ZFHX3: variants seen among roughly 807,000 people sequenced by gnomAD.
ZFHX3 encodes zinc finger homeobox 3, also known as zinc finger homeobox protein 3.
A neutral mutation model predicts 279.1 loss-of-function variants in ZFHX3; 42 were observed. The ratio of observed to expected loss-of-function variants is 0.15; its 90% CI spans 0.12 to 0.19. ZFHX3 has a LOEUF of 0.19. Ranked by LOEUF, ZFHX3 falls within the 10% of genes least tolerant of loss-of-function variation. The pLI, the probability that ZFHX3 is intolerant of heterozygous loss-of-function variation, is 1.00. For synonymous variants in ZFHX3, 2,293 were observed against 1,957.8 expected (o/e 1.17, Z -4.52); for missense variants, 4,981 against 4,754.0 (o/e 1.05, Z -1.40).
intron 1 of ZFHX3, among the ~76,000 whole-genome samples, chr16:73,885,817 CCT>C (rs2030327845): frequency 6.6e-6 from 1 of 152,064 alleles, no homozygotes; most frequent in African/African-American, 2.4e-5. Flanking sequence ...CCTTCACTGC[CCT>C]GTTAAACACT....
chr16:73,684,673 T>TGC (rs1395993873), intron 1 of ZFHX3, among the ~76,000 whole-genome samples: 1 of 151,154 alleles, frequency 6.6e-6, no homozygotes, highest in Non-Finnish European at 1.5e-5. Flanking sequence ...TATCTGCATG[T>TGC]GCCCCTGCAA....
chr16:72,947,330 A>T (rs764249971), intron 3 of ZFHX3, among the ~76,000 whole-genome samples: 44 of 152,348 alleles, frequency 2.9e-4, no homozygotes, highest in Middle Eastern at 3.4e-3. Context: ...AACGAAGACA[A>T]TATCATCAGG....
intron 1 of ZFHX3, among the ~76,000 whole-genome samples, chr16:73,699,042 G>A (rs1210527548): frequency 1.3e-5 from 2 of 152,168 alleles, no homozygotes; most frequent in Admixed American, 6.5e-5. Context: ...CCGCTACCAC[G>A]CCTGACTAAT....
chr16:72,833,745 A>G, intron 4 of ZFHX3, among the ~76,000 whole-genome samples: 1 of 152,126 alleles, frequency 6.6e-6, no homozygotes, highest in Non-Finnish European at 1.5e-5. Context: ...CCTCCCAGAC[A>G]GCTCTGTGTT....
At chr16:73,062,685 G>C (rs1212254425), upstream of ZFHX3, among the ~76,000 whole-genome samples, 1 of 151,176 alleles carries the variant, frequency 6.6e-6, no homozygotes, top group Admixed American at 6.6e-5. Context: ...TGGGCCCTGG[G>C]TTTTCTTCTG....
intron 1 of ZFHX3, among the ~76,000 whole-genome samples, chr16:73,719,980 T>C (rs2053458635): frequency 6.6e-6 from 1 of 152,220 alleles, no homozygotes; most frequent in South Asian, 2.1e-4. Flanking sequence ...ACTTGTTACC[T>C]ACAAGCCATG....
intron 8 of ZFHX3, among the ~76,000 whole-genome samples, chr16:73,091,733 T>C (rs1353934421): frequency 1.3e-5 from 2 of 152,194 alleles, no homozygotes; most frequent in African/African-American, 4.8e-5. Flanking sequence ...ATTCGCAAAA[T>C]ATAGCATTTG....
intron 1 of ZFHX3, among the ~76,000 whole-genome samples, chr16:72,963,390 GT>G (rs762562161): frequency 6.6e-6 from 1 of 152,182 alleles, no homozygotes; most frequent in Non-Finnish European, 1.5e-5. Flanking sequence ...CAAGAATTCA[GT>G]TAGATTTTAA....
intron 4 of ZFHX3, among the ~76,000 whole-genome samples, chr16:73,285,332 C>T (rs2014567757): frequency 6.6e-6 from 1 of 152,146 alleles, no homozygotes; most frequent in South Asian, 2.1e-4. Context: ...TTGTGTGAGT[C>T]AGAAATCCCA....
chr16:73,700,738 A>C (rs183526107), intron 1 of ZFHX3, among the ~76,000 whole-genome samples: 40 of 152,356 alleles, frequency 2.6e-4, no homozygotes, highest in Middle Eastern at 3.4e-3. Context: ...TAAAGCAATC[A>C]AGGTTCTAGG....
intron 1 of ZFHX3, among the ~76,000 whole-genome samples, chr16:73,013,883 T>C (rs1257512590): frequency 6.6e-6 from 1 of 152,146 alleles, no homozygotes; most frequent in Non-Finnish European, 1.5e-5. Flanking sequence ...AGTAGCTGAA[T>C]AACAACCCCC....
intron 3 of ZFHX3, among the ~76,000 whole-genome samples, chr16:72,903,917 T>G (rs1482596896): frequency 6.6e-6 from 1 of 152,150 alleles, no homozygotes; most frequent in East Asian, 1.9e-4. Flanking sequence ...GCTCCATCGC[T>G]TCCTCCTCTG....
At chr16:72,902,309 G>A (rs111513162) in intron 3 of ZFHX3, among the ~76,000 whole-genome samples, 65 of 152,282 alleles carry the variant, frequency 4.3e-4, no homozygotes, top group African/African-American at 1.3e-3. Context: ...TCAAGATAAT[G>A]CATGGAGTAA....
chr16:73,772,311 G>A (rs376531451), intron 1 of ZFHX3, among the ~76,000 whole-genome samples: 13 of 152,290 alleles, frequency 8.5e-5, no homozygotes, highest in Admixed American at 2.6e-4. Flanking sequence ...AAGGCAAGGC[G>A]GAGCAAGTCA....
chr16:73,337,901 G>C (rs1465862363), intron 3 of ZFHX3, among the ~76,000 whole-genome samples: 1 of 134,004 alleles, frequency 7.5e-6, no homozygotes, highest in Admixed American at 7.2e-5. Context: ...GCGGGGGGGG[G>C]GGTCCTCATC....
chr16:72,958,530 A>T lies in ZFHX3; in HGVS notation c.1616T>A (p.Val539Glu). 1.2e-6 allele frequency: 2 copies of T among 1,614,092 alleles called. No individual in the cohort carries two copies. Among genetic ancestry groups the T allele is most frequent in the East Asian group, 2.2e-5 (1 of 44,862 alleles). ...SISNSPLMPN[V>E]LQTLSRGTAS... is the part of the protein sequence containing the mutation. Reference sequence around the variant, plus strand: ...TGTGCCCCTCGACAGGGTCTGGAGCACGTTAGGCATTAAGGGGGAGTTAGA... The same window carrying T: ...TGTGCCCCTCGACAGGGTCTGGAGCTCGTTAGGCATTAAGGGGGAGTTAGA... The change falls in exon 2 of 10, where the codon GTG (valine) becomes GAG (glutamate). Residue 539 changes from valine (V) to glutamate (E), a missense_variant. Transcript: ENST00000268489.
chr16:72,888,965 C>A (rs1178023709), intron 4 of ZFHX3, among the ~76,000 whole-genome samples: 2 of 151,792 alleles, frequency 1.3e-5, no homozygotes, highest in Non-Finnish European at 2.9e-5. Flanking sequence ...TCTTGTGTGT[C>A]TAAGTGGAGA....
chr16:73,141,407 T>G (rs1597178021), intron 6 of ZFHX3, among the ~76,000 whole-genome samples: 1 of 152,222 alleles, frequency 6.6e-6, no homozygotes, highest in East Asian at 1.9e-4. Flanking sequence ...AATTTTTTTT[T>G]TTTTTTCAGA....
At chr16:73,541,782 TTC>T (rs1179646460) in intron 2 of ZFHX3, among the ~76,000 whole-genome samples, 5 of 134,556 alleles carry the variant, frequency 3.7e-5, no homozygotes, top group Non-Finnish European at 7.8e-5. Flanking sequence ...TGTTTGGTGG[TTC>T]TCTTTTTTTT....
Sources: allele counts gnomAD v4.1 joint callset (sites outside exome capture counted in the v4.1 genomes callset), GRCh38; gene constraint gnomAD v4.1.1; transcripts MANE v1.5; gene names NCBI Gene and HGNC (gene_info 2026-07-23, HGNC 2026-07-21).